The following MAPRE2 variants were observed in gnomAD, a reference collection of about 807,000 sequenced individuals.
The protein encoded by MAPRE2 is microtubule associated protein RP/EB family member 2, also known as microtubule-associated protein RP/EB family member 2.
A neutral mutation model predicts 43.2 loss-of-function variants in MAPRE2; 13 were observed. The observed-to-expected ratio is 0.30, with a 90% confidence interval of 0.20 to 0.48. The LOEUF (loss-of-function observed/expected upper bound fraction) is 0.48, where lower values mean the gene tolerates loss of function less well. Among genes scored for constraint, MAPRE2 ranks in the 20% least tolerant of loss-of-function variants. The pLI, the probability that MAPRE2 is intolerant of heterozygous loss-of-function variation, is 0.99. For missense variants in MAPRE2, 161 were observed against 400.2 expected, an observed-to-expected ratio of 0.40 and a Z score of 5.10; for synonymous variants, 135 against 148.8, an observed-to-expected ratio of 0.91 and a Z score of 0.68.
At chr18:35,029,330 T>C (rs2097046703) in intron 2 of MAPRE2, among the ~76,000 whole-genome samples, 1 of 152,222 alleles carries the variant, frequency 6.6e-6, no homozygotes, top group Non-Finnish European at 1.5e-5. Context: ...TGACACGCTG[T>C]CGAGGAGCCA....
At chr18:35,008,020 C>G (rs75110460) in intron 2 of MAPRE2, among the ~76,000 whole-genome samples, 3 of 152,126 alleles carry the variant, frequency 2.0e-5, no homozygotes, top group Non-Finnish European at 2.9e-5. Context: ...GTTCTGAAAC[C>G]AATCCCCTAG....
chr18:35,098,059 C>T (rs957000123), intron 3 of MAPRE2, among the ~76,000 whole-genome samples: 6 of 152,138 alleles, frequency 3.9e-5, no homozygotes, highest in South Asian at 2.1e-4. Context: ...ATGAAGTTGA[C>T]ATGAGAAGCA....
chr18:35,121,492 AT>A (rs1909663241), intron 4 of MAPRE2, among the ~76,000 whole-genome samples: 1 of 152,162 alleles, frequency 6.6e-6, no homozygotes, highest in Non-Finnish European at 1.5e-5. Flanking sequence ...ATTCCTTTTT[AT>A]TTTGAAAGGT....
chr18:35,104,083 A>T (rs1249305012), intron 4 of MAPRE2, among the ~76,000 whole-genome samples: 1 of 152,208 alleles, frequency 6.6e-6, no homozygotes, highest in Non-Finnish European at 1.5e-5. Flanking sequence ...AAACCAGAAG[A>T]GCTCAGCATC....
intron 2 of MAPRE2, among the ~76,000 whole-genome samples, chr18:35,089,574 A>G (rs1170532353): frequency 1.3e-5 from 2 of 152,238 alleles, no homozygotes; most frequent in Non-Finnish European, 1.5e-5. Flanking sequence ...GTCATTAGTC[A>G]TAGGGAAATC....
At chr18:35,049,775 C>T (rs933300306) in intron 1 of MAPRE2, among the ~76,000 whole-genome samples, 5 of 152,238 alleles carry the variant, frequency 3.3e-5, no homozygotes, top group African/African-American at 1.2e-4. Context: ...ATTATCACTC[C>T]TATAATTTTC....
chr18:35,106,145 T>A (rs1408212100), intron 4 of MAPRE2, among the ~76,000 whole-genome samples: 1 of 152,176 alleles, frequency 6.6e-6, no homozygotes, highest in African/African-American at 2.4e-5. Context: ...TGTTGCCAGG[T>A]CACTAACATG....
intron 4 of MAPRE2, among the ~76,000 whole-genome samples, chr18:35,114,717 A>G (rs1909333927): frequency 6.6e-6 from 1 of 152,178 alleles, no homozygotes; most frequent in Non-Finnish European, 1.5e-5. Context: ...GAGGGTCTCC[A>G]CTGTTGTCCT....
rs1158176480 is a variant in MAPRE2 at position 34,985,272 on chromosome 18, A to AATATATTATATT, written c.-70+8198_-70+8199insTTATATTATATA. ...AAATATATAATATAATATATTATAT[A>AATATATTATATT]ATATAATATATTATATATTATATTA... On this transcript the variant is annotated intron_variant, in intron 1 of 7. Coordinates refer to the MAPRE2 transcript ENST00000413393. Among the ~76,000 whole-genome samples the AATATATTATATT allele has an allele frequency of 4.7e-4, 13 of 27,872 alleles. 1 individual carries two copies. Among genetic ancestry groups the AATATATTATATT allele is most frequent in the African/African-American group, 1.5e-3 (12 of 7,760 alleles). The allele number at this position is 27,872 out of a possible 152,430, so 18.3% of individuals were successfully genotyped here. A position where few individuals can be genotyped will look rare whatever the true frequency, so the allele number is the denominator to read the frequency against.
intron 1 of MAPRE2, among the ~76,000 whole-genome samples, chr18:34,986,089 G>A (rs905097031): frequency 6.6e-6 from 1 of 152,048 alleles, no homozygotes; most frequent in Admixed American, 6.6e-5. Flanking sequence ...GAAGTAGGTA[G>A]GAGGTAGGTA....
At chr18:34,984,894 ATATATTTTATGTTATAT>A (rs1483311291) in intron 1 of MAPRE2, among the ~76,000 whole-genome samples, 21 of 66,512 alleles carry the variant, frequency 3.2e-4, no homozygotes, top group East Asian at 2.3e-3. Context: ...ATAATATATA[ATATATTTTATGTTATAT>A]AATATATAAT....
chr18:35,140,337 G>A lies in MAPRE2; in HGVS notation c.952G>A (p.Glu318Lys), dbSNP rs1248077714. ...EEPEAEEQAH[E>K]QQPPQQEEY ...GCCGGAAGCAGAGGAGCAAGCCCAC[G>A]AACAGCAGCCCCCGCAGCAGGAAGA... The change falls in exon 7 of 7, where the codon GAA (glutamate) becomes AAA (lysine). Residue 318 changes from glutamate to lysine, a missense_variant. Physicochemically the swap from Glu to Lys is moderately conservative, Grantham distance 56. Coordinates refer to ENST00000300249, the MANE Select transcript of MAPRE2 (RefSeq NM_014268.4). 1.5e-5 allele frequency: 24 copies of A among 1,613,644 alleles called. No individual in the cohort carries two copies. The highest frequency in any genetic ancestry group is 2.2e-5 in the East Asian group (1 of 44,864).
At position 35,131,673 on chromosome 18, in the gene MAPRE2, A is replaced by G. The variant is rs546461154; in HGVS notation, c.751-359A>G. On this transcript the variant is annotated intron_variant, in intron 5 of 6. Coordinates refer to ENST00000300249, the MANE Select transcript of MAPRE2 (RefSeq NM_014268.4). The stretch of plus-strand genomic sequence containing the variant: ...TTCAACATACACATTTTGAGGAGAT[A>G]CAAACTTTCAGACCATAGTAAGAAG... Among the ~76,000 whole-genome samples, 81 of 152,296 alleles carry G rather than the reference A, an allele frequency of 5.3e-4. 1 individual carries two copies. The highest frequency in any genetic ancestry group is 3.5e-3 in the East Asian group (18 of 5,166).
At chr18:35,084,699 C>CT (rs1355473187) in intron 2 of MAPRE2, among the ~76,000 whole-genome samples, 2 of 152,210 alleles carry the variant, frequency 1.3e-5, no homozygotes, top group Non-Finnish European at 2.9e-5. Context: ...TTCCTGCTGG[C>CT]TATTACTCCT....
At position 35,140,682 on chromosome 18, in the gene MAPRE2, C is replaced by T. The variant is rs1910595575; in HGVS notation, c.*313C>T. On this transcript the variant is annotated 3_prime_UTR_variant, in exon 7 of 7. Transcript: ENST00000300249. ...CCAGAACAACTCTTTCCCACCCCAA[C>T]ACCACTGCCACCACCCCTCTTTTTA... is the stretch of plus-strand genomic sequence containing the variant. The T allele has an allele frequency of 6.1e-6, 2 of 330,552 alleles. No homozygotes were observed. Among genetic ancestry groups the T allele is most frequent in the Non-Finnish European group, 1.1e-5 (2 of 179,686 alleles). 20.5% of individuals were successfully genotyped at this position (330,552 alleles called of 1,614,324 possible).
chr18:35,036,366 T>C (rs1272995304), intron 2 of MAPRE2, among the ~76,000 whole-genome samples: 2 of 152,192 alleles, frequency 1.3e-5, no homozygotes, highest in Non-Finnish European at 2.9e-5. Context: ...CATACTACTG[T>C]CAACATCAGA....
At chr18:35,063,803 C>T (rs1219556560) in intron 1 of MAPRE2, among the ~76,000 whole-genome samples, 2 of 151,806 alleles carry the variant, frequency 1.3e-5, no homozygotes, top group Non-Finnish European at 2.9e-5. Context: ...TCATGATCAG[C>T]CTATGCAACA....
chr18:35,133,782 C>T (rs767356637), intron 6 of MAPRE2, among the ~76,000 whole-genome samples: 20 of 152,274 alleles, frequency 1.3e-4, no homozygotes, highest in Admixed American at 8.5e-4. Context: ...ACTGAATTCC[C>T]GGCTAAGATA....
intron 4 of MAPRE2, among the ~76,000 whole-genome samples, chr18:35,104,851 TC>T (rs1199881850): frequency 1.3e-5 from 2 of 152,034 alleles, no homozygotes; most frequent in Non-Finnish European, 2.9e-5. Context: ...GCTAAGAAAA[TC>T]AAGGGTGTCT....
Sources: gnomAD v4.1 joint callset for allele counts (sites outside exome capture counted in the v4.1 genomes callset) on GRCh38, gnomAD v4.1.1 for gene constraint, MANE v1.5 for transcripts, NCBI Gene and HGNC (gene_info 2026-07-23, HGNC 2026-07-21) for gene names.